Variants in ARVCF observed in about 807,000 individuals in gnomAD.
ARVCF encodes the protein ARVCF delta catenin family member.
In ARVCF, 66 loss-of-function variants were observed where a neutral mutation model predicts 90.9. The ratio of observed to expected loss-of-function variants is 0.73; its 90% confidence interval spans 0.60 to 0.89. ARVCF has a LOEUF of 0.89. Ranked by LOEUF, ARVCF falls within the 40% of genes least tolerant of loss-of-function variation. The probability of loss-of-function intolerance (pLI) is 0.00; values close to 1 mark genes in which losing one functional copy is unlikely to be tolerated. For synonymous variants in ARVCF, 653 were observed against 603.4 expected, an observed-to-expected ratio of 1.08 and a Z score of -1.21; for missense variants, 1,469 against 1,382.3, an observed-to-expected ratio of 1.06 and a Z score of -1.00.
intron 2 of ARVCF, among the ~76,000 whole-genome samples, chr22:20,006,474 G>A (rs1252483404): frequency 2.0e-5 from 3 of 151,104 alleles, no homozygotes; most frequent in African/African-American, 4.9e-5. Flanking sequence ...AGCTACTTGG[G>A]AGGCTGAGGC....
intron 1 of ARVCF, among the ~76,000 whole-genome samples, chr22:20,011,854 T>C (rs1944843352): frequency 6.6e-6 from 1 of 151,958 alleles, no homozygotes; most frequent in Non-Finnish European, 1.5e-5. Flanking sequence ...CAGAGAACCA[T>C]GTGACTTTTT....
Position 19,971,335 on chromosome 22 carries a change from G to C in ARVCF, c.2782C>G (p.Leu928Val). Reference sequence around the variant, plus strand: ...GGAGGGGCCTTCCTGCTGGGGTCGAGCTGCAGCGCACGGGTGGGCATTAGA... The same window carrying C: ...GGAGGGGCCTTCCTGCTGGGGTCGACCTGCAGCGCACGGGTGGGCATTAGA... ...GEASEKEPLK[L>V]DPSRKAPPPG... Residue 928 changes from leucine (L) to valine (V), a missense_variant and splice_region_variant, in exon 19 of 20, where the codon CTC (leucine) becomes GTC (valine). By Grantham distance (32) the Leu-to-Val change is conservative. Transcript: ENST00000263207. The C allele has an allele frequency of 6.4e-7, 1 of 1,552,220 alleles. No homozygotes were observed. Among genetic ancestry groups the C allele is most frequent in the Non-Finnish European group, 8.7e-7 (1 of 1,148,154 alleles).
chr22:19,995,140 CTGAG>C (rs1394027865), intron 2 of ARVCF, among the ~76,000 whole-genome samples: 2 of 151,692 alleles, frequency 1.3e-5, no homozygotes, highest in African/African-American at 4.9e-5. Flanking sequence ...GGGGGTGTAA[CTGAG>C]TGAGTGAACA....
intron 5 of ARVCF, 189 bp downstream of exon 5, chr22:19,981,022 G>A (rs1454737723): frequency 2.8e-6 from 2 of 711,884 alleles, no homozygotes; most frequent in Non-Finnish European, 4.4e-6. Flanking sequence ...CTGCAGGACA[G>A]TGCCCAGCCG....
chr22:19,971,393 G>C, intron 18 of ARVCF, 58 bp from the exon 19 acceptor site: 8 of 1,515,892 alleles, frequency 5.3e-6, no homozygotes, highest in Non-Finnish European at 6.2e-6. Context: ...AGAGCTCCTG[G>C]GGGGACAGGG....
chr22:19,978,934 A>G lies in ARVCF; in HGVS notation c.1543T>C (p.Trp515Arg). The change falls in exon 7 of 20, where the codon TGG becomes CGG. Residue 515 changes from tryptophan to arginine, a missense_variant. Physicochemically the swap from Trp to Arg is moderately radical, Grantham distance 101. Transcript: ENST00000263207. ...GACGTGTTCTTGAAGACAGTTGTCC[A>G]CTCGGCGTCCCGTGGCTTGGAGTCC... ...NEDSKPRDAEWTTVFKNTSGC... is the reference protein window; with the variant it reads ...NEDSKPRDAERTTVFKNTSGC... 6.2e-7 allele frequency: 1 copy of G among 1,612,902 alleles called. No individual in the cohort carries two copies. The highest frequency in any genetic ancestry group is 8.5e-7 in the Non-Finnish European group (1 of 1,179,708).
intron 3 of ARVCF, among the ~76,000 whole-genome samples, chr22:19,985,723 C>T (rs915753800): frequency 1.3e-5 from 2 of 152,222 alleles, no homozygotes; most frequent in East Asian, 3.9e-4. Flanking sequence ...AGATGCACCA[C>T]GGTCTGTGTC....
intron 1 of ARVCF, among the ~76,000 whole-genome samples, chr22:20,016,341 C>A (rs1427207930): frequency 6.6e-6 from 1 of 152,120 alleles, no homozygotes; most frequent in African/African-American, 2.4e-5. Context: ...AGGCCACGCA[C>A]AAAGAGACCC....
At chr22:20,010,301 C>T (rs1452127764) in intron 2 of ARVCF, among the ~76,000 whole-genome samples, 154 bp downstream of exon 2, 2 of 152,214 alleles carry the variant, frequency 1.3e-5, no homozygotes, top group African/African-American at 4.8e-5. Flanking sequence ...CCCTGTCCAG[C>T]CCAGGGGCTG....
rs1942778836 is a variant in ARVCF, at chr22:19,971,439, G to C, written c.2782-104C>G. On this transcript the variant is annotated intron_variant, in intron 18 of 19. Transcript: ENST00000263207. ...GCCGAGGCTGGCGATGTAAGGGTTG[G>C]CCTGCCAGGACAGCACAGGTAGCAC... is the stretch of plus-strand genomic sequence containing the variant. 4.3e-6 allele frequency: 6 copies of C among 1,389,110 alleles called. No homozygotes were observed. In the East Asian group the frequency reaches 1.2e-4, roughly 29 times the overall value. The allele number at this position is 1,389,110 out of a possible 1,614,324, so 86.0% of individuals were successfully genotyped here.
In ARVCF at chr22:19,989,067, C is replaced by T. The variant is rs1165481205; in HGVS notation, c.210+1518G>A. 3.3e-5 allele frequency among the ~76,000 whole-genome samples: 5 copies of T among 152,178 alleles called. No homozygotes were observed. The East Asian group carries it at 7.7e-4, about 23-fold the overall frequency. ...GGGAGGGTTGGACTGAGCACACTGG[C>T]GCCTGAGAGGCGGCCTCGGGGTCAC... On this transcript the variant is annotated intron_variant, in intron 3 of 19. Coordinates refer to ENST00000263207, the MANE Select transcript of ARVCF (RefSeq NM_001670.3).
chr22:19,991,416 C>T (rs1944021336), intron 2 of ARVCF, among the ~76,000 whole-genome samples: 1 of 152,262 alleles, frequency 6.6e-6, no homozygotes, highest in Non-Finnish European at 1.5e-5. Flanking sequence ...CCACTCATAT[C>T]CACATTGGCC....
chr22:19,968,521 C>A, downstream of ARVCF: 1 of 1,612,582 alleles, frequency 6.2e-7, no homozygotes, highest in Non-Finnish European at 8.5e-7. Flanking sequence ...CCCCCACCCC[C>A]CGGTCTGTTT....
chr22:19,971,438 G>T, intron 18 of ARVCF, 103 bp from the exon 19 acceptor site: 2 of 1,387,594 alleles, frequency 1.4e-6, no homozygotes, highest in Non-Finnish European at 1.9e-6. Context: ...TGTAAGGGTT[G>T]GCCTGCCAGG....
Position 19,973,796 on chromosome 22 carries a change from GC to G in ARVCF, c.2089-4del. The G allele has an allele frequency of 6.2e-7, 1 of 1,602,432 alleles. No homozygotes were observed. ...GTGGCGCGGATGTACGTGGCCCACT[GC>G]GGAGGCGGGGAGAGGGTTGCTCAGA... is the stretch of plus-strand genomic sequence containing the variant. On this transcript the variant is annotated splice_region_variant and splice_polypyrimidine_tract_variant and intron_variant, in intron 12 of 19. Transcript: ENST00000263207.
At chr22:19,998,390 T>C (rs934670119) in intron 2 of ARVCF, among the ~76,000 whole-genome samples, 1 of 152,214 alleles carries the variant, frequency 6.6e-6, no homozygotes, top group African/African-American at 2.4e-5. Flanking sequence ...TGGGAGCCTG[T>C]GGCCAAAGGG....
rs555457967 is a variant in ARVCF, at chr22:19,970,461, C to A, written c.*295G>T. On this transcript the variant is annotated 3_prime_UTR_variant, in exon 20 of 20. Transcript: ENST00000263207. Reference sequence around the variant, plus strand: ...AGCCAGGCACCCTTCCCTGCCACCTCCCTGGGCCCTGCCCCAGCAGCCCAG... The same window carrying A: ...AGCCAGGCACCCTTCCCTGCCACCTACCTGGGCCCTGCCCCAGCAGCCCAG... 10 of 1,113,474 alleles carry A rather than the reference C, an allele frequency of 9.0e-6. No homozygotes were observed. The Admixed American group carries it at 2.6e-4, about 29-fold the overall frequency. 69.0% of individuals were successfully genotyped at this position (1,113,474 alleles called of 1,614,324 possible).
At chr22:19,969,803 C>CTCCA (rs1942642199), downstream of ARVCF, 1 of 979,280 alleles carries the variant, frequency 1.0e-6, no homozygotes, top group Admixed American at 6.2e-5. Flanking sequence ...CTGGGACCAC[C>CTCCA]TCCACCCAGG....
rs887122800 is a variant in ARVCF at position 19,980,008 on chromosome 22, A to G, written c.1131T>C (p.Asn377=). 1 of 1,594,884 alleles carries G rather than the reference A, an allele frequency of 6.3e-7. No individual in the cohort carries two copies. Among genetic ancestry groups the G allele is most frequent in the African/African-American group, 1.3e-5 (1 of 74,602 alleles). ...LRHPVDPVKA[N]AAAYLQHLCF... ...ACAGATGCTGCAGGTAGGCGGCCGC[A>G]TTGGCCTTCACGGGGTCCACGGGGT... Residue 377 remains asparagine, a synonymous_variant, in exon 6 of 20, where the codon AAT becomes AAC. Coordinates refer to ENST00000263207, the MANE Select transcript of ARVCF (RefSeq NM_001670.3).
Sources: gnomAD v4.1 joint callset for allele counts (sites outside exome capture counted in the v4.1 genomes callset) on GRCh38, gnomAD v4.1.1 for gene constraint, MANE v1.5 for transcripts, NCBI Gene and HGNC (gene_info 2026-07-23, HGNC 2026-07-21) for gene names.